PPM1L: variants seen among roughly 807,000 people sequenced by gnomAD.
PPM1L encodes the protein protein phosphatase, Mg2+/Mn2+ dependent 1L.
A neutral mutation model predicts 31.4 loss-of-function variants in PPM1L; 13 were observed. The observed-to-expected ratio is 0.41, with a 90% CI of 0.27 to 0.66. The LOEUF (loss-of-function observed/expected upper bound fraction) is 0.66, where lower values mean the gene tolerates loss of function less well. Ranked by LOEUF, PPM1L falls within the 30% of genes least tolerant of loss-of-function variation. The pLI is 0.29. For missense variants in PPM1L, 326 were observed against 453.7 expected (o/e 0.72, Z 2.56); for synonymous variants, 184 against 175.4 (o/e 1.05, Z -0.39).
chr3:160,961,932 A>G (rs746859002), intron 2 of PPM1L, 22 bp downstream of exon 2: 3 of 1,526,672 alleles, frequency 2.0e-6, no homozygotes, highest in African/African-American at 2.8e-5. Flanking sequence ...TTTAAAACAC[A>G]CATTTTTTTT....
At chr3:161,016,273 A>T (rs114220953) in intron 2 of PPM1L, among the ~76,000 whole-genome samples, 2,819 of 152,322 alleles carry the variant, frequency 0.019, 89 homozygotes, top group African/African-American at 0.065. Context: ...ATCTCCATCT[A>T]CATCAAACAT....
intron 1 of PPM1L, among the ~76,000 whole-genome samples, chr3:160,825,387 T>G (rs1713324449): frequency 6.6e-6 from 1 of 152,088 alleles, no homozygotes. Context: ...CATTTTGACC[T>G]AAAAAAGTGT....
At chr3:160,886,388 C>T (rs1335237591) in intron 1 of PPM1L, among the ~76,000 whole-genome samples, 1 of 152,180 alleles carries the variant, frequency 6.6e-6, no homozygotes, top group Non-Finnish European at 1.5e-5. Flanking sequence ...TTCCCTGTAC[C>T]ACCTAAATGG....
chr3:160,764,899 C>A (rs931821856), intron 1 of PPM1L, among the ~76,000 whole-genome samples: 7 of 152,236 alleles, frequency 4.6e-5, no homozygotes, highest in African/African-American at 1.7e-4. Context: ...TAACTTCTTA[C>A]CATTGTAAAT....
intron 2 of PPM1L, among the ~76,000 whole-genome samples, chr3:161,056,724 T>G (rs1719422953): frequency 6.6e-6 from 1 of 151,986 alleles, no homozygotes; most frequent in Non-Finnish European, 1.5e-5. Flanking sequence ...CCTTAGCCCC[T>G]CCCTCAGCAT....
At chr3:160,790,021 G>A (rs578210638) in intron 1 of PPM1L, among the ~76,000 whole-genome samples, 1 of 152,168 alleles carries the variant, frequency 6.6e-6, no homozygotes, top group African/African-American at 2.4e-5. Flanking sequence ...TATGTAAATA[G>A]TTGTTATACT....
intron 1 of PPM1L, among the ~76,000 whole-genome samples, chr3:160,855,785 T>G (rs1293655249): frequency 6.6e-6 from 1 of 152,170 alleles, no homozygotes; most frequent in East Asian, 1.9e-4. Context: ...TTTCAGCTAC[T>G]GTGGAAAACA....
rs1328354436 is a variant in PPM1L, at chr3:160,854,445, G to A, written c.399+97738G>A. On this transcript the variant is annotated intron_variant, in intron 1 of 3. Transcript: ENST00000498165. ...GTAGGGAACAGTGAAGGATAAGGGT[G>A]AAACCATTCATTGATCCTAATCATG... is the stretch of plus-strand genomic sequence containing the variant. 2.0e-5 allele frequency among the ~76,000 whole-genome samples: 3 copies of A among 152,158 alleles called. No individual in the cohort carries two copies. The East Asian group carries it at 5.8e-4, about 29-fold the overall frequency.
At chr3:161,037,372 C>T (rs1718772937) in intron 2 of PPM1L, among the ~76,000 whole-genome samples, 1 of 149,158 alleles carries the variant, frequency 6.7e-6, no homozygotes, top group Non-Finnish European at 1.5e-5. Context: ...TGCCAGAATC[C>T]ATGTGAATGC....
chr3:160,896,018 T>C (rs1219799143), intron 1 of PPM1L, among the ~76,000 whole-genome samples: 2 of 152,186 alleles, frequency 1.3e-5, no homozygotes, highest in Non-Finnish European at 2.9e-5. Flanking sequence ...ATTTATTTTT[T>C]ACTTAGTCCA....
chr3:160,938,891 G>A (rs906537720), intron 1 of PPM1L, among the ~76,000 whole-genome samples: 2 of 152,204 alleles, frequency 1.3e-5, no homozygotes, highest in Non-Finnish European at 2.9e-5. Context: ...AGAATGAACT[G>A]TGCAAAAACA....
intron 2 of PPM1L, among the ~76,000 whole-genome samples, chr3:160,990,880 C>T (rs1203199848): frequency 6.6e-6 from 1 of 152,026 alleles, no homozygotes; most frequent in African/African-American, 2.4e-5. Context: ...TGTCCCTTTC[C>T]CTTGCTGAAT....
chr3:161,062,025 A>C, intron 2 of PPM1L, among the ~76,000 whole-genome samples: 1 of 152,002 alleles, frequency 6.6e-6, no homozygotes, highest in East Asian at 1.9e-4. Context: ...TGTTGCCATG[A>C]CCCTAAGGGA....
In PPM1L at chr3:160,796,594, C is replaced by A. The variant is rs371802810; in HGVS notation, c.399+39887C>A. ...TGAGTATTCTGCCTGTTATCTTTGG[C>A]TATCTCAGCTGTTATCTTTGGCTAT... On this transcript the variant is annotated intron_variant, in intron 1 of 3. Coordinates refer to ENST00000498165, the MANE Select transcript of PPM1L (RefSeq NM_139245.4). Among the ~76,000 whole-genome samples, 14 of 152,302 alleles carry A rather than the reference C, an allele frequency of 9.2e-5. 1 individual carries two copies. The highest frequency in any genetic ancestry group is 3.1e-4 in the African/African-American group (13 of 41,576).
chr3:161,020,193 C>T (rs1303426513), intron 2 of PPM1L, among the ~76,000 whole-genome samples: 3 of 151,730 alleles, frequency 2.0e-5, no homozygotes, highest in Non-Finnish European at 4.4e-5. Flanking sequence ...ATTTTATACT[C>T]TAATATATAC....
rs1185070479 is a variant in PPM1L, at chr3:161,073,671, C to T, written c.*4514C>T. The T allele has an allele frequency of 6.6e-6, 1 of 152,106 alleles. No homozygotes were observed. Among genetic ancestry groups the T allele is most frequent in the Non-Finnish European group, 1.5e-5 (1 of 68,048 alleles). The allele number at this position is 152,106 out of a possible 1,614,324, so 9.4% of individuals were successfully genotyped here. A position where few individuals can be genotyped will look rare whatever the true frequency, so the allele number is the denominator to read the frequency against. Reference sequence around the variant, plus strand: ...CCGCCTCCCAGGTTCACACCATTCTCCTGCCTCAGCCTCCTGAGCAGCTGG... The same window carrying T: ...CCGCCTCCCAGGTTCACACCATTCTTCTGCCTCAGCCTCCTGAGCAGCTGG... On this transcript the variant is annotated 3_prime_UTR_variant, in exon 4 of 4. Transcript: ENST00000498165.
At chr3:161,030,495 G>A (rs974869321) in intron 2 of PPM1L, among the ~76,000 whole-genome samples, 2 of 152,124 alleles carry the variant, frequency 1.3e-5, no homozygotes, top group Non-Finnish European at 2.9e-5. Context: ...ATAATTTTCT[G>A]TTATCTATAA....
chr3:160,896,836 A>G (rs1454559551), intron 1 of PPM1L, among the ~76,000 whole-genome samples: 5 of 152,154 alleles, frequency 3.3e-5, no homozygotes, highest in African/African-American at 1.2e-4. Flanking sequence ...TAGCCTAATA[A>G]AAAGGTCATT....
In PPM1L at chr3:161,033,771, C is replaced by A. The variant is rs1050222395; in HGVS notation, c.575-31632C>A. On this transcript the variant is annotated intron_variant, in intron 2 of 3. Transcript: ENST00000498165. ...AAAACCTGGGCAATACCATTCAGGA[C>A]ATAGGCATGGGCAAAGACTTCATGA... Among the ~76,000 whole-genome samples, 4 of 152,276 alleles carry A rather than the reference C, an allele frequency of 2.6e-5. No individual in the cohort carries two copies. The South Asian group carries it at 8.3e-4, about 32-fold the overall frequency.
Sources: allele counts gnomAD v4.1 joint callset (sites outside exome capture counted in the v4.1 genomes callset), GRCh38; gene constraint gnomAD v4.1.1; transcripts MANE v1.5; gene names NCBI Gene and HGNC (gene_info 2026-07-23, HGNC 2026-07-21).